Variants in TANC2 observed in about 807,000 individuals in gnomAD.
TANC2 encodes the protein tetratricopeptide repeat, ankyrin repeat and coiled-coil containing 2.
Under a neutral mutation model 210.5 loss-of-function variants are expected in TANC2, and 26 were observed. The observed-to-expected ratio is 0.12, with a 90% CI of 0.09 to 0.17. The LOEUF is 0.17. TANC2 is among the 10% of genes least tolerant of loss of function. The pLI is 1.00. For missense variants in TANC2, 2,129 were observed against 2,608.9 expected (o/e 0.82, Z 4.01); for synonymous variants, 931 against 967.1 (o/e 0.96, Z 0.69).
At chr17:63,183,307 G>T (rs2040855517) in intron 5 of TANC2, among the ~76,000 whole-genome samples, 1 of 152,176 alleles carries the variant, frequency 6.6e-6, no homozygotes, top group South Asian at 2.1e-4. Context: ...TTTCTGTCAA[G>T]TGAAGTTAAC....
intron 2 of TANC2, among the ~76,000 whole-genome samples, chr17:63,056,364 T>G (rs918219049): frequency 2.0e-5 from 3 of 151,998 alleles, no homozygotes; most frequent in African/African-American, 7.2e-5. Context: ...TTTACTGTAA[T>G]GTATTTCTGA....
chr17:63,321,735 T>G (rs1009507475), intron 11 of TANC2, among the ~76,000 whole-genome samples: 1 of 152,176 alleles, frequency 6.6e-6, no homozygotes, highest in African/African-American at 2.4e-5. Flanking sequence ...CTGCACCTGA[T>G]CTCTACCTTG....
At chr17:63,017,793 T>C (rs1406303137) in intron 2 of TANC2, among the ~76,000 whole-genome samples, 1 of 152,236 alleles carries the variant, frequency 6.6e-6, no homozygotes, top group African/African-American at 2.4e-5. Flanking sequence ...TATTTTTTAA[T>C]GAAAAATGTT....
intron 1 of TANC2, chr17:63,004,885 G>T: frequency 3.1e-6 from 1 of 321,408 alleles, no homozygotes; most frequent in Non-Finnish European, 6.0e-6. Flanking sequence ...CAACCTTGTG[G>T]ATTTTCTCTG....
intron 14 of TANC2, among the ~76,000 whole-genome samples, chr17:63,378,605 C>A (rs73992108): frequency 0.04 from 6,065 of 152,248 alleles, 422 homozygotes; most frequent in African/African-American, 0.13. Flanking sequence ...ACATCATGGG[C>A]AGATAAGACA....
exon 10 of TANC2, chr17:63,314,630 A>G (rs2045255145): frequency 6.2e-7 from 1 of 1,613,898 alleles, no homozygotes; most frequent in Non-Finnish European, 8.5e-7. Context: ...TACAAGGATG[A>G]GACAGATCGC....
In TANC2 at chr17:63,355,492, A is replaced by G. The variant is rs1483708039; in HGVS notation, c.2582+102A>G. 5 of 1,269,202 alleles carry G rather than the reference A, an allele frequency of 3.9e-6. No individual in the cohort carries two copies. The Admixed American group carries it at 1.2e-4, about 31-fold the overall frequency. 78.6% of individuals were successfully genotyped at this position (1,269,202 alleles called of 1,614,324 possible). A position where few individuals can be genotyped will look rare whatever the true frequency, so the allele number is the denominator to read the frequency against. ...AAGTGTTCTTCATTGAACATTTCAC[A>G]TAGAAGAGACATCATCTGTGTTTCT... is the stretch of plus-strand genomic sequence containing the variant. On this transcript the variant is annotated intron_variant, in intron 14 of 27. Coordinates refer to ENST00000689528, the Ensembl canonical transcript of TANC2.
chr17:63,196,959 C>G (rs753068607), intron 6 of TANC2, among the ~76,000 whole-genome samples: 5 of 152,134 alleles, frequency 3.3e-5, no homozygotes. Flanking sequence ...AATCTATGCT[C>G]TTAACAGCCA....
At chr17:63,341,200 G>T (rs1443669315) in intron 12 of TANC2, among the ~76,000 whole-genome samples, 1 of 152,172 alleles carries the variant, frequency 6.6e-6, no homozygotes, top group Non-Finnish European at 1.5e-5. Flanking sequence ...ATCATCTTCA[G>T]TTATTTCAGC....
Position 63,277,355 on chromosome 17 carries a change from C to T in TANC2, c.1159+9482C>T, listed in dbSNP as rs570377522. On this transcript the variant is annotated intron_variant, in intron 9 of 27. Transcript: ENST00000689528. The stretch of plus-strand genomic sequence containing the variant: ...TCATTACATAAGTAAACTTGTGTCA[C>T]GGGGGTTTGTTGTACAGATTATTTC... Among the ~76,000 whole-genome samples the T allele has an allele frequency of 6.0e-5, 9 of 150,460 alleles. No homozygotes were observed. The South Asian group carries it at 6.3e-4, about 11-fold the overall frequency.
Position 63,421,657 on chromosome 17 carries a change from G to T in TANC2, c.5927G>T (p.Ser1976Ile). ...AACCTGCCTCAGCCTGAGTCCTTCA[G>T]TCCACCATCATCCATCAGCAACATT... The change falls in exon 28 of 28, where the codon AGT (serine) becomes ATT (isoleucine). Residue 1976 changes from serine to isoleucine, a missense_variant. Ser to Ile is a moderately radical substitution (Grantham distance 142). Coordinates refer to ENST00000689528, the Ensembl canonical transcript of TANC2. This position sits in a 1 kb window ranked among gnomAD's most constrained non-coding sequence, Gnocchi z 6.9. 1 of 1,614,036 alleles carries T rather than the reference G, an allele frequency of 6.2e-7. No homozygotes were observed. Among genetic ancestry groups the T allele is most frequent in the South Asian group, 1.1e-5 (1 of 91,090 alleles).
At chr17:63,074,834 A>G (rs1030268692) in intron 3 of TANC2, among the ~76,000 whole-genome samples, 2 of 152,168 alleles carry the variant, frequency 1.3e-5, no homozygotes, top group South Asian at 2.1e-4. Flanking sequence ...ATTTCAGACA[A>G]TCATTTATTG....
chr17:63,042,000 A>G lies in TANC2; in HGVS notation c.68-31943A>G, dbSNP rs180951276. ...AATTGTTTGCTGTCTGCTAGCTATT[A>G]GAAATACCCTTGAGATGTGAGAATA... On this transcript the variant is annotated intron_variant, in intron 2 of 27. Transcript: ENST00000689528. Among the ~76,000 whole-genome samples the G allele has an allele frequency of 2.4e-3, 361 of 152,336 alleles. 2 individuals carry two copies. Among genetic ancestry groups the G allele is most frequent in the Non-Finnish European group, 3.3e-3 (225 of 68,014 alleles).
chr17:63,337,916 A>G (rs1308953778), intron 11 of TANC2, among the ~76,000 whole-genome samples: 1 of 152,200 alleles, frequency 6.6e-6, no homozygotes, highest in Non-Finnish European at 1.5e-5. Context: ...AGTGGCCTCC[A>G]GTTCCATCCG....
intron 7 of TANC2, among the ~76,000 whole-genome samples, chr17:63,219,037 A>C (rs2042098612): frequency 6.6e-6 from 1 of 152,238 alleles, no homozygotes; most frequent in South Asian, 2.1e-4. Context: ...TAAATTGTGG[A>C]ATAATTAGAG....
chr17:63,087,645 T>A (rs2037023907), intron 3 of TANC2, among the ~76,000 whole-genome samples: 1 of 152,170 alleles, frequency 6.6e-6, no homozygotes, highest in South Asian at 2.1e-4. Context: ...TCCTCAATAC[T>A]GACTGAGAGT....
chr17:63,121,954 G>A (rs967126092), intron 4 of TANC2, among the ~76,000 whole-genome samples: 3 of 138,720 alleles, frequency 2.2e-5, no homozygotes, highest in African/African-American at 7.8e-5. Flanking sequence ...GCCACAGAGT[G>A]AGACTTCATC....
At chr17:63,302,111 T>C (rs937646639) in intron 9 of TANC2, among the ~76,000 whole-genome samples, 57 of 152,362 alleles carry the variant, frequency 3.7e-4, no homozygotes, top group African/African-American at 1.3e-3. Flanking sequence ...TAATCCTGAG[T>C]TCTAATTTGA....
chr17:63,247,510 A>C (rs1190686081), intron 8 of TANC2, among the ~76,000 whole-genome samples: 1 of 151,564 alleles, frequency 6.6e-6, no homozygotes, highest in Non-Finnish European at 1.5e-5. Flanking sequence ...AGAAACAATT[A>C]CATCATCCTA....
Sources: gnomAD v4.1 joint callset for allele counts (sites outside exome capture counted in the v4.1 genomes callset) on GRCh38, gnomAD v4.1.1 for gene constraint, Gnocchi (gnomAD v3.1) non-coding constraint, MANE v1.5 for transcripts, NCBI Gene and HGNC (gene_info 2026-07-23, HGNC 2026-07-21) for gene names.